TNRC6B: variants seen among roughly 807,000 people sequenced by gnomAD.
TNRC6B encodes trinucleotide repeat containing adaptor 6B, also known as trinucleotide repeat-containing gene 6B protein.
In TNRC6B, 52 loss-of-function variants were observed where a neutral mutation model predicts 203.6. That is an observed-to-expected ratio of 0.26 (90% CI 0.20 to 0.32). The LOEUF is 0.32. TNRC6B is among the 10% of genes least tolerant of loss of function. The probability of loss-of-function intolerance (pLI) is 1.00; values close to 1 mark genes in which losing one functional copy is unlikely to be tolerated. For missense variants in TNRC6B, 1,923 were observed against 2,286.2 expected (o/e 0.84, Z 3.24); for synonymous variants, 838 against 845.7 (o/e 0.99, Z 0.16).
chr22:40,232,648 C>T (rs946223554), intron 1 of TNRC6B, among the ~76,000 whole-genome samples: 5 of 152,030 alleles, frequency 3.3e-5, no homozygotes, highest in African/African-American at 9.7e-5. Context: ...AAATTTTTTG[C>T]GGGGAAAAAG....
intron 16 of TNRC6B, 55 bp from the exon 17 acceptor site, chr22:40,310,762 C>T: frequency 6.7e-7 from 1 of 1,498,194 alleles, no homozygotes; most frequent in East Asian, 2.3e-5. Context: ...AAAAAATAGA[C>T]AAGTTCTATT....
chr22:40,125,829 T>C (rs1318303062), exon 3 of TNRC6B: 4 of 1,612,290 alleles, frequency 2.5e-6, no homozygotes, highest in Non-Finnish European at 3.4e-6. Context: ...TGCAAACCAA[T>C]GAGGGAGAAG....
chr22:40,123,306 T>A (rs966087727), intron 2 of TNRC6B, among the ~76,000 whole-genome samples: 1 of 152,032 alleles, frequency 6.6e-6, no homozygotes, highest in African/African-American at 2.4e-5. Flanking sequence ...TAGCAGTGAT[T>A]GTCAGAGAAG....
intron 1 of TNRC6B, among the ~76,000 whole-genome samples, chr22:40,113,501 C>T (rs1249569460): frequency 6.6e-6 from 1 of 152,068 alleles, no homozygotes; most frequent in Non-Finnish European, 1.5e-5. Context: ...ACTACAGGTG[C>T]ATACTACAAT....
At chr22:40,164,937 A>G (rs1299381947) in intron 4 of TNRC6B, among the ~76,000 whole-genome samples, 1 of 150,974 alleles carries the variant, frequency 6.6e-6, no homozygotes, top group East Asian at 2.0e-4. Flanking sequence ...ACCCACCACC[A>G]CGCCTGGCTA....
chr22:40,161,102 T>C (rs990246138), intron 4 of TNRC6B, among the ~76,000 whole-genome samples: 1 of 152,256 alleles, frequency 6.6e-6, no homozygotes, highest in Admixed American at 6.5e-5. Context: ...TAGATATCTT[T>C]CATGCCAACA....
At chr22:40,264,282 A>G (rs1381849208) in intron 4 of TNRC6B, among the ~76,000 whole-genome samples, 1 of 152,222 alleles carries the variant, frequency 6.6e-6, no homozygotes, top group East Asian at 1.9e-4. Context: ...ATTCTTGTGC[A>G]CTAAGGAACT....
chr22:40,249,404 G>A (rs772952437), intron 2 of TNRC6B, among the ~76,000 whole-genome samples: 42 of 152,210 alleles, frequency 2.8e-4, no homozygotes, highest in Admixed American at 5.9e-4. Flanking sequence ...ATTGGTTGTA[G>A]CAGTTGGCTC....
chr22:40,127,794 C>T (rs986729723), intron 3 of TNRC6B, among the ~76,000 whole-genome samples: 2 of 152,076 alleles, frequency 1.3e-5, no homozygotes, highest in Non-Finnish European at 2.9e-5. Context: ...CATTTGTACC[C>T]AGGGCTGTTG....
intron 1 of TNRC6B, among the ~76,000 whole-genome samples, chr22:40,227,609 C>G (rs563786052): frequency 6.6e-6 from 1 of 152,134 alleles, no homozygotes; most frequent in South Asian, 2.1e-4. Context: ...GCTCGGCCTC[C>G]CAAAGTGTTG....
At chr22:40,306,625 C>CT (rs1230889223) in intron 15 of TNRC6B, among the ~76,000 whole-genome samples, 2 of 152,164 alleles carry the variant, frequency 1.3e-5, no homozygotes, top group Admixed American at 6.5e-5. Flanking sequence ...GCCCTGCAAT[C>CT]TAATTTCATT....
chr22:40,126,580 ATTTTTT>A (rs955369459), intron 3 of TNRC6B, among the ~76,000 whole-genome samples: 41 of 88,782 alleles, frequency 4.6e-4, no homozygotes, highest in African/African-American at 2.0e-3. Flanking sequence ...ACGTTATTTA[ATTTTTT>A]TTTTTTTTTT....
chr22:40,054,661 C>T (rs908384002), intron 1 of TNRC6B, among the ~76,000 whole-genome samples: 1 of 152,150 alleles, frequency 6.6e-6, no homozygotes, highest in Non-Finnish European at 1.5e-5. Flanking sequence ...ACATCTAGCA[C>T]TGTGAGTTGC....
intron 15 of TNRC6B, among the ~76,000 whole-genome samples, chr22:40,305,162 G>A (rs962750372): frequency 6.6e-6 from 1 of 152,192 alleles, no homozygotes; most frequent in African/African-American, 2.4e-5. Context: ...TTCTAGCAAA[G>A]ACGCATGAGG....
intron 2 of TNRC6B, among the ~76,000 whole-genome samples, chr22:40,250,856 G>A (rs891061036): frequency 2.0e-5 from 3 of 150,722 alleles, no homozygotes; most frequent in Non-Finnish European, 4.4e-5. Flanking sequence ...CCACATTCAT[G>A]TGATTTTTCT....
At position 40,114,987 on chromosome 22, in the gene TNRC6B, C is replaced by T. The variant is rs542721104; in HGVS notation, c.-120-2068C>T. ...CGTGTGTACCTGATACAGAGGTTCA[C>T]AGCCTGGCAGAGAAAGTAATGCAGC... is the stretch of plus-strand genomic sequence containing the variant. On this transcript the variant is annotated intron_variant, in intron 1 of 23. Coordinates refer to the TNRC6B transcript ENST00000301923. Among the ~76,000 whole-genome samples, 23 of 152,318 alleles carry T rather than the reference C, an allele frequency of 1.5e-4. 2 individuals are homozygous for T. The South Asian group carries it at 3.9e-3, about 26-fold the overall frequency.
intron 12 of TNRC6B, among the ~76,000 whole-genome samples, 187 bp downstream of exon 12, chr22:40,285,957 A>G (rs942767690): frequency 2.6e-5 from 4 of 152,250 alleles, no homozygotes; most frequent in Non-Finnish European, 4.4e-5. Flanking sequence ...GCTGCCAAAG[A>G]TGAAGACTTT....
chr22:40,097,002 A>C (rs969306673), intron 1 of TNRC6B, among the ~76,000 whole-genome samples: 1 of 152,224 alleles, frequency 6.6e-6, no homozygotes, highest in African/African-American at 2.4e-5. Context: ...CAGGAAAGAT[A>C]CAGTGGAGGA....
chr22:40,176,432 C>T (rs1358331290), upstream of TNRC6B, among the ~76,000 whole-genome samples: 2 of 151,974 alleles, frequency 1.3e-5, no homozygotes, highest in African/African-American at 4.8e-5. Flanking sequence ...CGGCCTCATG[C>T]GCTTTTTACC....
Sources: gnomAD v4.1 joint callset for allele counts (sites outside exome capture counted in the v4.1 genomes callset) on GRCh38, gnomAD v4.1.1 for gene constraint, MANE v1.5 for transcripts, NCBI Gene and HGNC (gene_info 2026-07-23, HGNC 2026-07-21) for gene names.